The following PTPRT variants were observed in gnomAD, a reference collection of about 807,000 sequenced individuals.
PTPRT encodes the protein receptor-type tyrosine-protein phosphatase T.
Under a neutral mutation model 176.8 loss-of-function variants are expected in PTPRT, and 56 were observed. That is an observed-to-expected ratio of 0.32 (90% CI 0.26 to 0.40). The LOEUF is 0.40. Among genes scored for constraint, PTPRT ranks in the 10% least tolerant of loss-of-function variants. The pLI, the probability that PTPRT is intolerant of heterozygous loss-of-function variation, is 1.00. For missense variants in PTPRT, 1,540 were observed against 1,908.2 expected, an observed-to-expected ratio of 0.81 and a Z score of 3.60; for synonymous variants, 783 against 739.0, an observed-to-expected ratio of 1.06 and a Z score of -0.96.
At chr20:42,201,789 G>T (rs193233917) in intron 15 of PTPRT, among the ~76,000 whole-genome samples, 23 of 147,662 alleles carry the variant, frequency 1.6e-4, no homozygotes, top group Non-Finnish European at 3.0e-4. Context: ...TCCTCTGGTC[G>T]CCTGTGGCAG....
chr20:42,418,814 C>A (rs1273671010), intron 9 of PTPRT, among the ~76,000 whole-genome samples: 1 of 152,108 alleles, frequency 6.6e-6, no homozygotes, highest in African/African-American at 2.4e-5. Flanking sequence ...AGAGGCTGTC[C>A]TGGCTGTAGG....
chr20:43,078,135 C>T (rs898822127), intron 1 of PTPRT, among the ~76,000 whole-genome samples: 2 of 152,220 alleles, frequency 1.3e-5, no homozygotes, highest in South Asian at 4.1e-4. Context: ...GTGTCTATTG[C>T]TCAGTACAGT....
chr20:42,652,311 T>A (rs560406867), intron 7 of PTPRT, among the ~76,000 whole-genome samples: 1 of 152,282 alleles, frequency 6.6e-6, no homozygotes, highest in South Asian at 2.1e-4. Context: ...AGCCCTTCAT[T>A]CATTTAACAG....
At chr20:42,519,999 A>AT (rs1279676710) in intron 7 of PTPRT, among the ~76,000 whole-genome samples, 2 of 151,948 alleles carry the variant, frequency 1.3e-5, no homozygotes, top group Non-Finnish European at 2.9e-5. Flanking sequence ...ACATAGCTTC[A>AT]TTTTTTCATA....
chr20:42,281,903 G>A (rs1432555594), intron 13 of PTPRT, among the ~76,000 whole-genome samples: 1 of 152,184 alleles, frequency 6.6e-6, no homozygotes, highest in East Asian at 1.9e-4. Flanking sequence ...ACAGAAACAT[G>A]TACCAACTGA....
At chr20:42,483,613 C>T (rs542109231) in intron 7 of PTPRT, among the ~76,000 whole-genome samples, 1 of 152,338 alleles carries the variant, frequency 6.6e-6, no homozygotes, top group African/African-American at 2.4e-5. Flanking sequence ...AGTCCAACAG[C>T]CCTATCCCAT....
intron 19 of PTPRT, among the ~76,000 whole-genome samples, chr20:42,122,571 G>C (rs897151961): frequency 6.6e-6 from 1 of 152,168 alleles, no homozygotes; most frequent in African/African-American, 2.4e-5. Context: ...ATCCTGGAAA[G>C]ATGCAGTTTC....
intron 1 of PTPRT, among the ~76,000 whole-genome samples, chr20:43,158,523 G>A: frequency 6.6e-6 from 1 of 152,132 alleles, no homozygotes; most frequent in African/African-American, 2.4e-5. Flanking sequence ...ATTCAAAGCA[G>A]CACAAATTAT....
intron 6 of PTPRT, among the ~76,000 whole-genome samples, chr20:42,718,645 A>C (rs1488055683): frequency 6.6e-6 from 1 of 152,184 alleles, no homozygotes; most frequent in Non-Finnish European, 1.5e-5. Flanking sequence ...TTATGCTCTT[A>C]TTTATATAAA....
intron 6 of PTPRT, among the ~76,000 whole-genome samples, chr20:42,695,928 A>G (rs2075866836): frequency 6.6e-6 from 1 of 152,132 alleles, no homozygotes; most frequent in Non-Finnish European, 1.5e-5. Flanking sequence ...CAGCCTCTAC[A>G]ATGACCCTCA....
intron 8 of PTPRT, among the ~76,000 whole-genome samples, chr20:42,469,673 A>G (rs1345910048): frequency 1.4e-5 from 2 of 146,888 alleles, no homozygotes; most frequent in African/African-American, 5.0e-5. Context: ...AAATCTTCCT[A>G]GAACTGGAAG....
chr20:42,623,691 C>G (rs368322066), intron 7 of PTPRT, among the ~76,000 whole-genome samples: 2 of 152,054 alleles, frequency 1.3e-5, no homozygotes, highest in African/African-American at 4.8e-5. Flanking sequence ...GGCATATTCA[C>G]TTCATCCACG....
At chr20:43,155,008 C>T (rs1215162552) in intron 1 of PTPRT, among the ~76,000 whole-genome samples, 1 of 152,102 alleles carries the variant, frequency 6.6e-6, no homozygotes, top group South Asian at 2.1e-4. Context: ...GAGATATCAT[C>T]TCACTCCGTT....
the PTPRT span, among the ~76,000 whole-genome samples, chr20:42,033,661 G>A: frequency 6.6e-6 from 1 of 152,150 alleles, no homozygotes; most frequent in African/African-American, 2.4e-5. Flanking sequence ...AAGTATCTGT[G>A]TGAGCTTGGA....
At chr20:42,944,248 C>A (rs1255971869) in intron 1 of PTPRT, among the ~76,000 whole-genome samples, 1 of 152,080 alleles carries the variant, frequency 6.6e-6, no homozygotes, top group African/African-American at 2.4e-5. Context: ...GAAAGTGCTT[C>A]TGCTGGAATT....
At chr20:42,348,004 A>G (rs1169115216) in intron 11 of PTPRT, among the ~76,000 whole-genome samples, 1 of 152,142 alleles carries the variant, frequency 6.6e-6, no homozygotes, top group Non-Finnish European at 1.5e-5. Flanking sequence ...CTTGTTCCTT[A>G]CTGTATCCCT....
At chr20:42,314,256 C>T (rs62208717) in intron 12 of PTPRT, among the ~76,000 whole-genome samples, 12,101 of 152,102 alleles carry the variant, frequency 0.08, 641 homozygotes, top group East Asian at 0.24. Flanking sequence ...GGGCTGGGCA[C>T]GGTGGCTCAC....
At chr20:42,644,438 A>G (rs2074839854) in intron 7 of PTPRT, among the ~76,000 whole-genome samples, 2 of 152,160 alleles carry the variant, frequency 1.3e-5, no homozygotes. Context: ...TTTCCAAAGC[A>G]GAGTACAGGG....
intron 1 of PTPRT, among the ~76,000 whole-genome samples, chr20:43,103,415 G>A (rs925622556): frequency 1.3e-5 from 2 of 152,186 alleles, no homozygotes; most frequent in African/African-American, 2.4e-5. Flanking sequence ...TCCCAAGAAC[G>A]TGGTGTTACA....
Sources: gnomAD v4.1 joint callset for allele counts (sites outside exome capture counted in the v4.1 genomes callset) on GRCh38, gnomAD v4.1.1 for gene constraint, MANE v1.5 for transcripts, NCBI Gene and HGNC (gene_info 2026-07-23, HGNC 2026-07-21) for gene names.